The following TMPPE variants were observed in gnomAD, a reference collection of about 807,000 sequenced individuals.
The protein encoded by TMPPE is transmembrane protein with metallophosphoesterase domain.
In TMPPE, 16 loss-of-function variants were observed where a neutral mutation model predicts 22.6. The observed-to-expected ratio is 0.71, with a 90% confidence interval of 0.48 to 1.08. The LOEUF is 1.08. Among genes scored for constraint, TMPPE ranks in the 50% least tolerant of loss-of-function variants. The pLI, the probability that TMPPE is intolerant of heterozygous loss-of-function variation, is 0.00. For missense variants in TMPPE, 526 were observed against 584.3 expected, an observed-to-expected ratio of 0.90 and a Z score of 1.03; for synonymous variants, 240 against 245.3, an observed-to-expected ratio of 0.98 and a Z score of 0.20.
Position 33,091,247 on chromosome 3 carries a change from TG to T in TMPPE, c.*1586del. 1 of 985,500 alleles carries T rather than the reference TG, an allele frequency of 1.0e-6. No homozygotes were observed. Among genetic ancestry groups the T allele is most frequent in the Non-Finnish European group, 1.2e-6 (1 of 829,988 alleles). 61.0% of individuals were successfully genotyped at this position (985,500 alleles called of 1,614,324 possible). On this transcript the variant is annotated 3_prime_UTR_variant, in exon 2 of 2. Transcript: ENST00000342462. ...AAGATACATTTTAAACTGCATGGTA[TG>T]GCCCACTGTCAATACCGTGGCTGCC... is the stretch of plus-strand genomic sequence containing the variant.
At position 33,093,403 on chromosome 3, in the gene TMPPE, G is replaced by A. The variant is rs772369234; in HGVS notation, c.793C>T (p.Leu265Phe). 67 of 1,614,068 alleles carry A rather than the reference G, an allele frequency of 4.2e-5. No individual in the cohort carries two copies. Among genetic ancestry groups the A allele is most frequent in the Non-Finnish European group, 5.4e-5 (64 of 1,180,046 alleles). Residue 265 changes from leucine (L) to phenylalanine (F), a missense_variant, in exon 2 of 2, where the codon CTT (leucine) becomes TTT (phenylalanine). Coordinates refer to ENST00000342462, the MANE Select transcript of TMPPE (RefSeq NM_001039770.3). The surrounding 1 kb of genome is among the most constrained non-coding windows in gnomAD (Gnocchi z 6.0). ...AAGTAGGCACCGAGATGTGAATGAA[G>A]CTGGCCCAGAGGAGCGACAGCCGTC... ...LRTAVAPLGQ[L>F]HSHLGAYFVT...
intron 1 of TMPPE, chr3:33,096,268 C>G: frequency 2.0e-6 from 1 of 498,996 alleles, no homozygotes; most frequent in Non-Finnish European, 2.6e-6. Flanking sequence ...CTCAGCCAGT[C>G]GCCTCAGCTC....
rs777282849 is a variant in TMPPE at position 33,097,074 on chromosome 3, G to T, written c.-464C>A. 4.3e-6 allele frequency: 7 copies of T among 1,612,488 alleles called. No individual in the cohort carries two copies. Among genetic ancestry groups the T allele is most frequent in the African/African-American group, 1.3e-5 (1 of 74,818 alleles). On this transcript the variant is annotated 5_prime_UTR_variant, in exon 1 of 2. Transcript: ENST00000342462. ...GCAACAGAGGGAGGATGCGAACCAG[G>T]AACCCCGGCATGACCACCAGCCTCC...
At chr3:33,096,451 C>G (rs927688375) in intron 1 of TMPPE, 2 of 984,556 alleles carry the variant, frequency 2.0e-6, no homozygotes. Context: ...CCCACAAATA[C>G]AAAGAAAAAC....
intron 1 of TMPPE, among the ~76,000 whole-genome samples, chr3:33,095,097 G>C (rs1373064291): frequency 1.3e-5 from 2 of 151,124 alleles, no homozygotes; most frequent in Non-Finnish European, 2.9e-5. Flanking sequence ...TGTAATCCCA[G>C]CTACTCGGGA....
rs1454201894 is a variant in TMPPE at position 33,096,512 on chromosome 3, C to A, written c.-109+207G>T. On this transcript the variant is annotated intron_variant, in intron 1 of 1. Transcript: ENST00000342462. ...AGTGGTGAGAAAGGAACAAGATGCA[C>A]GAAGAGGGAGAGCACCCAGAGGGGA... 7.1e-6 allele frequency: 7 copies of A among 985,136 alleles called. 1 individual carries two copies. In the Middle Eastern group the frequency reaches 1.6e-3, roughly 221 times the overall value. 61.0% of individuals were successfully genotyped at this position (985,136 alleles called of 1,614,324 possible).
Position 33,091,270 on chromosome 3 carries a change from T to A in TMPPE, c.*1564A>T. On this transcript the variant is annotated 3_prime_UTR_variant, in exon 2 of 2. Coordinates refer to ENST00000342462, the MANE Select transcript of TMPPE (RefSeq NM_001039770.3). Reference sequence around the variant, plus strand: ...TATGGCCCACTGTCAATACCGTGGCTGCCTGGGAACAAAAAGGGTGGTCTC... The same window carrying A: ...TATGGCCCACTGTCAATACCGTGGCAGCCTGGGAACAAAAAGGGTGGTCTC... 5.1e-6 allele frequency: 5 copies of A among 985,482 alleles called. No homozygotes were observed. The highest frequency in any genetic ancestry group is 6.0e-6 in the Non-Finnish European group (5 of 829,988). The allele number at this position is 985,482 out of a possible 1,614,324, so 61.0% of individuals were successfully genotyped here.
At position 33,093,005 on chromosome 3, in the gene TMPPE, G is replaced by T; in HGVS notation, c.1191C>A (p.Ile397=). ...ILSGHTHAGQ[I]FPLNVAAYLL... ...GATAGGCTGCTACGTTCAAGGGGAAGATCTGCCCAGCATGTGTGTGCCCAG... is the reference window on the plus strand; with the variant it reads ...GATAGGCTGCTACGTTCAAGGGGAATATCTGCCCAGCATGTGTGTGCCCAG... The change falls in exon 2 of 2, where the codon ATC becomes ATA. Residue 397 remains isoleucine (I), a synonymous_variant. Transcript: ENST00000342462. The surrounding 1 kb of genome is among the most constrained non-coding windows in gnomAD (Gnocchi z 6.0). 6.2e-7 allele frequency: 1 copy of T among 1,614,258 alleles called. No homozygotes were observed. The highest frequency in any genetic ancestry group is 8.5e-7 in the Non-Finnish European group (1 of 1,180,046).
chr3:33,097,107 G>A lies in TMPPE; in HGVS notation c.-497C>T. On this transcript the variant is annotated 5_prime_UTR_variant, in exon 1 of 2. Coordinates refer to ENST00000342462, the MANE Select transcript of TMPPE (RefSeq NM_001039770.3). Reference sequence around the variant, plus strand: ...GCATGACCACCAGCCTCCCGGCTCTGCAGTCGGCGCCCAGGCCGGCCGCTT... The same window carrying A: ...GCATGACCACCAGCCTCCCGGCTCTACAGTCGGCGCCCAGGCCGGCCGCTT... 1 of 1,610,914 alleles carries A rather than the reference G, an allele frequency of 6.2e-7. No individual in the cohort carries two copies. Among genetic ancestry groups the A allele is most frequent in the Non-Finnish European group, 8.5e-7 (1 of 1,178,368 alleles).
Position 33,091,153 on chromosome 3 carries a change from A to G in TMPPE, c.*1681T>C, listed in dbSNP as rs1700742523. 2 of 985,372 alleles carry G rather than the reference A, an allele frequency of 2.0e-6. No homozygotes were observed. Among genetic ancestry groups the G allele is most frequent in the East Asian group, 2.3e-4 (2 of 8,830 alleles). The allele number at this position is 985,372 out of a possible 1,614,324, so 61.0% of individuals were successfully genotyped here. A position where few individuals can be genotyped will look rare whatever the true frequency, so the allele number is the denominator to read the frequency against. On this transcript the variant is annotated 3_prime_UTR_variant, in exon 2 of 2. Coordinates refer to ENST00000342462, the MANE Select transcript of TMPPE (RefSeq NM_001039770.3). ...ATTCACAAAATGCGGTCGGGACACA[A>G]GAAAAGTGAGTTTGGAAGGACAGTG...
At position 33,092,240 on chromosome 3, in the gene TMPPE, C is replaced by T; in HGVS notation, c.*594G>A. The stretch of plus-strand genomic sequence containing the variant: ...AAGGCCTGGAACAGGAGGAGCTTTG[C>T]ATTCCAGTAGATTTTGCTGATGCCC... On this transcript the variant is annotated 3_prime_UTR_variant, in exon 2 of 2. Transcript: ENST00000342462. 1 of 985,690 alleles carries T rather than the reference C, an allele frequency of 1.0e-6. No individual in the cohort carries two copies. Among genetic ancestry groups the T allele is most frequent in the Non-Finnish European group, 1.2e-6 (1 of 830,172 alleles). The allele number at this position is 985,690 out of a possible 1,614,324, so 61.1% of individuals were successfully genotyped here.
intron 1 of TMPPE, 74 bp from the exon 2 acceptor site, chr3:33,094,377 C>T: frequency 7.3e-7 from 1 of 1,370,966 alleles, no homozygotes. Context: ...TCAAAGGCCA[C>T]TTACATCTGC....
rs1700847310 is a variant in TMPPE at position 33,093,241 on chromosome 3, T to TGCC, written c.952_954dup (p.Gly318dup). 3.1e-6 allele frequency: 5 copies of TGCC among 1,613,946 alleles called. No individual in the cohort carries two copies. The highest frequency in any genetic ancestry group is 1.3e-5 in the African/African-American group (1 of 74,894). On this transcript the variant is annotated inframe_insertion, in exon 2 of 2. Coordinates refer to ENST00000342462, the MANE Select transcript of TMPPE (RefSeq NM_001039770.3). This position sits in a 1 kb window ranked among gnomAD's most constrained non-coding sequence, Gnocchi z 6.0. ...TCCTCATCCTCACTCCCACTGCCAC[T>TGCC]GCCACCACCACCACGTTGGGCCCGT...
intron 1 of TMPPE, 129 bp from the exon 2 acceptor site, chr3:33,094,432 T>C (rs1700916439): frequency 8.9e-7 from 1 of 1,121,100 alleles, no homozygotes; most frequent in Non-Finnish European, 1.2e-6. Flanking sequence ...AGTCAGTTGC[T>C]AGCTATACTT....
chr3:33,095,431 C>T (rs1700982307), intron 1 of TMPPE, among the ~76,000 whole-genome samples: 1 of 152,054 alleles, frequency 6.6e-6, no homozygotes, highest in Non-Finnish European at 1.5e-5. Context: ...GAGGCTGAGG[C>T]AGGAGAATGG....
chr3:33,093,073 T>A lies in TMPPE; in HGVS notation c.1123A>T (p.Lys375Ter), dbSNP rs766576777. The A allele has an allele frequency of 6.2e-7, 1 of 1,614,172 alleles. No homozygotes were observed. Among genetic ancestry groups the A allele is most frequent in the South Asian group, 1.1e-5 (1 of 91,084 alleles). The change falls in exon 2 of 2, where the codon AAG becomes TAG. Residue 375 changes from lysine to a stop codon, truncating the protein, a stop_gained. Transcript: ENST00000342462. LOFTEE classifies it high-confidence loss of function. This position sits in a 1 kb window ranked among gnomAD's most constrained non-coding sequence, Gnocchi z 6.0. ...TCTGGCCGAGCCTGGAGAGCTCTCTTGGCAGCCAGGGGCTGGTGAGCTAGC... is the reference window on the plus strand; with the variant it reads ...TCTGGCCGAGCCTGGAGAGCTCTCTAGGCAGCCAGGGGCTGGTGAGCTAGC... ...ILLAHQPLAA[K>*]RALQARPDIN...
At chr3:33,096,586 T>C (rs1575506338) in intron 1 of TMPPE, 133 bp downstream of exon 1, 2 of 1,033,080 alleles carry the variant, frequency 1.9e-6, no homozygotes, top group Non-Finnish European at 2.3e-6. Context: ...CCCATTTTTC[T>C]CCTTCCGGAG....
rs1700885674 is a variant in TMPPE, at chr3:33,093,907, G to A, written c.289C>T (p.His97Tyr). 2 of 1,613,932 alleles carry A rather than the reference G, an allele frequency of 1.2e-6. No individual in the cohort carries two copies. Among genetic ancestry groups the A allele is most frequent in the African/African-American group, 1.3e-5 (1 of 74,954 alleles). The change falls in exon 2 of 2, where the codon CAT (histidine) becomes TAT (tyrosine). Residue 97 changes from histidine to tyrosine, a missense_variant. Physicochemically the swap from His to Tyr is moderately conservative, Grantham distance 83. Coordinates refer to ENST00000342462, the MANE Select transcript of TMPPE (RefSeq NM_001039770.3). This position sits in a 1 kb window ranked among gnomAD's most constrained non-coding sequence, Gnocchi z 6.0. ...VVVLAFLALA[H>Y]SSFFTMFFLV... Reference sequence around the variant, plus strand: ...AAGAACATGGTAAAGAAACTGGAATGGGCCAGGGCCAGAAATGCCAGAACC... The same window carrying A: ...AAGAACATGGTAAAGAAACTGGAATAGGCCAGGGCCAGAAATGCCAGAACC...
chr3:33,090,643 T>C lies in TMPPE; in HGVS notation c.*2191A>G. The C allele has an allele frequency of 2.0e-6, 2 of 985,428 alleles. No individual in the cohort carries two copies. The highest frequency in any genetic ancestry group is 2.4e-6 in the Non-Finnish European group (2 of 829,928). The allele number at this position is 985,428 out of a possible 1,614,324, so 61.0% of individuals were successfully genotyped here. ...AACAAAAAGGTCCATGGTTTAAGAA[T>C]GTTGAACAAAGGGACTAAAGGTGTC... On this transcript the variant is annotated 3_prime_UTR_variant, in exon 2 of 2. Transcript: ENST00000342462.
Sources: allele counts gnomAD v4.1 joint callset (sites outside exome capture counted in the v4.1 genomes callset), GRCh38; gene constraint gnomAD v4.1.1; non-coding constraint Gnocchi (gnomAD v3.1); transcripts MANE v1.5; gene names NCBI Gene and HGNC (gene_info 2026-07-23, HGNC 2026-07-21).